The following NARS2 variants were observed in gnomAD, a reference collection of about 807,000 sequenced individuals.
The protein encoded by NARS2 is asparaginyl-tRNA synthetase 2, mitochondrial, also known as asparaginyl-tRNA synthetase.
A neutral mutation model predicts 62.9 loss-of-function variants in NARS2; 60 were observed. The observed-to-expected ratio is 0.95, with a 90% CI of 0.77 to 1.18. The LOEUF is 1.18. NARS2 is among the 50% of genes most tolerant of loss of function. NARS2 has a pLI of 0.00. For missense variants in NARS2, 619 were observed against 576.4 expected (o/e 1.07, Z -0.76); for synonymous variants, 196 against 200.0 (o/e 0.98, Z 0.17).
At chr11:78,497,385 A>T (rs895243228) in intron 6 of NARS2, among the ~76,000 whole-genome samples, 1 of 152,130 alleles carries the variant, frequency 6.6e-6, no homozygotes, top group Non-Finnish European at 1.5e-5. Context: ...CTGAAATTTC[A>T]CAGTGAATCT....
At chr11:78,458,940 A>C (rs1445312952) in intron 11 of NARS2, among the ~76,000 whole-genome samples, 3 of 149,852 alleles carry the variant, frequency 2.0e-5, no homozygotes, top group African/African-American at 7.4e-5. Flanking sequence ...TTTTTTTGAG[A>C]TGGAGTCTCG....
chr11:78,564,817 TTTTCC>T (rs1185061817), intron 4 of NARS2, among the ~76,000 whole-genome samples: 1 of 152,190 alleles, frequency 6.6e-6, no homozygotes, highest in African/African-American at 2.4e-5. Flanking sequence ...ATTTGATTTA[TTTTCC>T]TTTGTCTTAT....
At chr11:78,514,668 G>C (rs1411288929) in intron 6 of NARS2, among the ~76,000 whole-genome samples, 1 of 152,168 alleles carries the variant, frequency 6.6e-6, no homozygotes, top group East Asian at 1.9e-4. Flanking sequence ...TTAGGTAACA[G>C]AAGAGTGGAG....
At chr11:78,510,647 A>G (rs1860686225) in intron 6 of NARS2, among the ~76,000 whole-genome samples, 2 of 152,142 alleles carry the variant, frequency 1.3e-5, no homozygotes, top group African/African-American at 4.8e-5. Context: ...AAATTTTCAT[A>G]TGTGCATGTG....
At chr11:78,551,668 T>C (rs1856120536) in intron 5 of NARS2, among the ~76,000 whole-genome samples, 1 of 151,934 alleles carries the variant, frequency 6.6e-6, no homozygotes. Context: ...CTGGTCAAGA[T>C]GGTGAAATCC....
chr11:78,482,901 C>T (rs546438539), intron 7 of NARS2, among the ~76,000 whole-genome samples: 22 of 152,230 alleles, frequency 1.4e-4, no homozygotes, highest in Middle Eastern at 3.4e-3. Flanking sequence ...AAGCCAGCAT[C>T]ATCCTGATGC....
chr11:78,531,383 G>T (rs915634333), intron 5 of NARS2, among the ~76,000 whole-genome samples: 7 of 152,094 alleles, frequency 4.6e-5, no homozygotes, highest in African/African-American at 1.7e-4. Context: ...TATCTTCTTT[G>T]ATAACTATGG....
At chr11:78,487,840 G>A (rs917209054) in intron 7 of NARS2, among the ~76,000 whole-genome samples, 1 of 152,176 alleles carries the variant, frequency 6.6e-6, no homozygotes, top group Non-Finnish European at 1.5e-5. Context: ...TCTATATCCT[G>A]TGGAAGCATC....
intron 11 of NARS2, among the ~76,000 whole-genome samples, chr11:78,444,928 C>T (rs1276176851): frequency 1.3e-5 from 2 of 152,088 alleles, no homozygotes; most frequent in Admixed American, 6.5e-5. Flanking sequence ...TTTGACTCAG[C>T]AAGCAGTTCA....
intron 4 of NARS2, among the ~76,000 whole-genome samples, chr11:78,560,608 T>A (rs1051175312): frequency 4.6e-5 from 7 of 151,706 alleles, no homozygotes; most frequent in Admixed American, 1.3e-4. Flanking sequence ...GTAGATTGTC[T>A]CTATGCATTA....
intron 6 of NARS2, among the ~76,000 whole-genome samples, chr11:78,511,470 C>T (rs1440248819): frequency 2.6e-5 from 4 of 152,160 alleles, no homozygotes; most frequent in South Asian, 2.1e-4. Flanking sequence ...GTAATCCCAG[C>T]ACTTTGGGAG....
intron 6 of NARS2, among the ~76,000 whole-genome samples, chr11:78,509,913 G>C (rs1333406605): frequency 2.6e-5 from 4 of 151,772 alleles, no homozygotes; most frequent in African/African-American, 9.7e-5. Flanking sequence ...ATAAATTCAA[G>C]TTAGATTGTT....
chr11:78,566,629 G>T, intron 3 of NARS2, among the ~76,000 whole-genome samples: 1 of 152,174 alleles, frequency 6.6e-6, no homozygotes, highest in East Asian at 1.9e-4. Flanking sequence ...GCACACAGGA[G>T]TTCAAAATAT....
chr11:78,457,898 T>C (rs1437849129), intron 11 of NARS2, among the ~76,000 whole-genome samples: 2 of 152,122 alleles, frequency 1.3e-5, no homozygotes, highest in East Asian at 3.9e-4. Context: ...CAGATAAATA[T>C]TGCATGTTCT....
At chr11:78,565,526 A>C (rs1489888159) in intron 4 of NARS2, among the ~76,000 whole-genome samples, 1 of 152,006 alleles carries the variant, frequency 6.6e-6, no homozygotes, top group African/African-American at 2.4e-5. Flanking sequence ...AGCCCAGCAG[A>C]CTCCCTGAGT....
chr11:78,487,367 A>AG (rs1186218807), intron 7 of NARS2, among the ~76,000 whole-genome samples: 1 of 149,256 alleles, frequency 6.7e-6, no homozygotes, highest in African/African-American at 2.5e-5. Flanking sequence ...AAAAAAAAAA[A>AG]AAAGAAAGAA....
At chr11:78,499,695 A>G (rs778748156) in intron 6 of NARS2, among the ~76,000 whole-genome samples, 2 of 152,208 alleles carry the variant, frequency 1.3e-5, no homozygotes, top group Non-Finnish European at 2.9e-5. Context: ...CTACAAGAAA[A>G]TAATTATCCT....
chr11:78,549,700 T>A (rs1435236922), intron 5 of NARS2, among the ~76,000 whole-genome samples: 1 of 152,072 alleles, frequency 6.6e-6, no homozygotes, highest in Non-Finnish European at 1.5e-5. Context: ...AATAGCACAA[T>A]CAGTCTGCAA....
chr11:78,527,155 T>C (rs1416099089), intron 6 of NARS2, among the ~76,000 whole-genome samples: 1 of 152,194 alleles, frequency 6.6e-6, no homozygotes, highest in East Asian at 1.9e-4. Context: ...TGTAGGACAT[T>C]AACCAGTTTA....
Sources: gnomAD v4.1 joint callset for allele counts (sites outside exome capture counted in the v4.1 genomes callset) on GRCh38, gnomAD v4.1.1 for gene constraint, MANE v1.5 for transcripts, NCBI Gene and HGNC (gene_info 2026-07-23, HGNC 2026-07-21) for gene names.